The following CNOT2 variants were observed in gnomAD, a reference collection of about 807,000 sequenced individuals.
The protein encoded by CNOT2 is CC chemokine receptor 4-negative regulator of transcription 2.
Under a neutral mutation model 72.1 loss-of-function variants are expected in CNOT2, and 7 were observed. The observed-to-expected ratio is 0.10, with a 90% CI of 0.06 to 0.18. CNOT2 has a LOEUF of 0.18. CNOT2 is among the 10% of genes least tolerant of loss of function. The pLI is 1.00. For synonymous variants in CNOT2, 196 were observed against 225.6 expected, an observed-to-expected ratio of 0.87 and a Z score of 1.17; for missense variants, 345 against 660.3, an observed-to-expected ratio of 0.52 and a Z score of 5.23.
At chr12:70,251,125 A>G (rs999283358) in intron 1 of CNOT2, among the ~76,000 whole-genome samples, 2 of 152,210 alleles carry the variant, frequency 1.3e-5, no homozygotes, top group Non-Finnish European at 2.9e-5. Flanking sequence ...GAAATTAGTA[A>G]TAAGTTTCAT....
chr12:70,270,910 G>A (rs1045786477), intron 1 of CNOT2, among the ~76,000 whole-genome samples: 5 of 151,850 alleles, frequency 3.3e-5, no homozygotes, highest in African/African-American at 7.2e-5. Context: ...TGAATGGTTC[G>A]GAAGGACTTA....
At chr12:70,272,238 G>T (rs939722378) in intron 1 of CNOT2, among the ~76,000 whole-genome samples, 5 of 152,182 alleles carry the variant, frequency 3.3e-5, no homozygotes, top group African/African-American at 1.2e-4. Context: ...ACAGTGATAA[G>T]CTTAATAGAC....
intron 6 of CNOT2, chr12:70,331,819 C>A (rs575468745): frequency 6.6e-6 from 1 of 151,968 alleles, no homozygotes; most frequent in Middle Eastern, 3.4e-3. Flanking sequence ...CATCTTCATA[C>A]AGATTAACCC....
At chr12:70,273,171 G>T (rs1214790723) in intron 1 of CNOT2, among the ~76,000 whole-genome samples, 2 of 152,076 alleles carry the variant, frequency 1.3e-5, no homozygotes, top group East Asian at 3.9e-4. Context: ...TCTTGAAAAT[G>T]ATGTCTGTAC....
In CNOT2 at chr12:70,354,083, T is replaced by G; in HGVS notation, c.*168T>G. 8.1e-7 allele frequency: 1 copy of G among 1,238,402 alleles called. No individual in the cohort carries two copies. Among genetic ancestry groups the G allele is most frequent in the Non-Finnish European group, 1.1e-6 (1 of 944,234 alleles). The allele number at this position is 1,238,402 out of a possible 1,614,324, so 76.7% of individuals were successfully genotyped here. On this transcript the variant is annotated 3_prime_UTR_variant, in exon 16 of 16. Coordinates refer to ENST00000229195, the MANE Select transcript of CNOT2 (RefSeq NM_014515.7). ...AAGGTCACCATTTGAGGTCCTGCCT[T>G]ACTAATTATGTGCTGCCCAACAACT... is the stretch of plus-strand genomic sequence containing the variant.
In CNOT2 at chr12:70,354,945, C is replaced by T. The variant is rs1883279508; in HGVS notation, c.*1030C>T. 3 of 152,606 alleles carry T rather than the reference C, an allele frequency of 2.0e-5. No individual in the cohort carries two copies. 9.5% of individuals were successfully genotyped at this position (152,606 alleles called of 1,614,324 possible). A position where few individuals can be genotyped will look rare whatever the true frequency, so the allele number is the denominator to read the frequency against. On this transcript the variant is annotated 3_prime_UTR_variant, in exon 16 of 16. Transcript: ENST00000229195. ...AAAAGATCAATCTTGTATTTTCTGA[C>T]CACATAAAGGCTTCTTCTCTTTGTA...
intron 2 of CNOT2, among the ~76,000 whole-genome samples, chr12:70,301,486 T>G (rs1016209693): frequency 6.7e-5 from 1 of 14,856 alleles, no homozygotes; most frequent in African/African-American, 3.4e-4. Context: ...AATCATGCCG[T>G]TTTTTTTCTT....
Position 70,279,355 on chromosome 12 carries a change from A to T in CNOT2, c.48+1081A>T, listed in dbSNP as rs537449284. On this transcript the variant is annotated intron_variant, in intron 2 of 15. Transcript: ENST00000229195. Reference sequence around the variant, plus strand: ...TCTGGTTTAGGCACTGTTCCTAATTAAAAATAATGTCATATTTAACCTTTC... The same window carrying T: ...TCTGGTTTAGGCACTGTTCCTAATTTAAAATAATGTCATATTTAACCTTTC... Among the ~76,000 whole-genome samples, 4 of 152,366 alleles carry T rather than the reference A, an allele frequency of 2.6e-5. No individual in the cohort carries two copies. In the East Asian group the frequency reaches 5.8e-4, roughly 22 times the overall value.
chr12:70,257,602 C>T (rs1013063584), intron 1 of CNOT2, among the ~76,000 whole-genome samples: 6 of 151,794 alleles, frequency 4.0e-5, no homozygotes, highest in African/African-American at 1.2e-4. Context: ...CTCCTGACCT[C>T]GTGAGCCACC....
chr12:70,303,987 G>C (rs1019390852), intron 2 of CNOT2, among the ~76,000 whole-genome samples: 24 of 152,114 alleles, frequency 1.6e-4, no homozygotes, highest in Non-Finnish European at 5.9e-5. Flanking sequence ...CTTTCTTCCA[G>C]CTGATCTCAT....
intron 2 of CNOT2, 95 bp downstream of exon 2, chr12:70,278,369 T>A (rs11611635): frequency 0.29 from 239,485 of 837,542 alleles, 36,258 homozygotes; most frequent in Admixed American, 0.52. Flanking sequence ...AGCAAATTGG[T>A]TACACCTCAA....
At chr12:70,330,592 T>A in intron 6 of CNOT2, 123 bp downstream of exon 6, 1 of 538,636 alleles carries the variant, frequency 1.9e-6, no homozygotes, top group Non-Finnish European at 3.2e-6. Context: ...CATCATGCAT[T>A]TATGTCCAAA....
intron 2 of CNOT2, among the ~76,000 whole-genome samples, chr12:70,286,564 T>G (rs1395272532): frequency 6.7e-6 from 1 of 150,000 alleles, no homozygotes. Context: ...TCTCTTTATA[T>G]GCATGGATTT....
chr12:70,303,326 A>C (rs1356159591), intron 2 of CNOT2, among the ~76,000 whole-genome samples: 2 of 152,094 alleles, frequency 1.3e-5, no homozygotes, highest in Non-Finnish European at 2.9e-5. Context: ...GGTCTTTACA[A>C]TTTGGCATGT....
intron 4 of CNOT2, among the ~76,000 whole-genome samples, chr12:70,320,260 AATTTG>A (rs925191777): frequency 6.6e-6 from 1 of 151,692 alleles, no homozygotes; most frequent in African/African-American, 2.4e-5. Flanking sequence ...AAAAATCAAT[AATTTG>A]ATTTGGAACT....
chr12:70,281,508 T>A (rs1023462122), intron 2 of CNOT2, among the ~76,000 whole-genome samples: 16 of 152,224 alleles, frequency 1.1e-4, no homozygotes, highest in African/African-American at 2.4e-5. Context: ...TGTAGTAGAT[T>A]TTCCCATTTA....
At chr12:70,244,794 C>G (rs902478389) in intron 1 of CNOT2, among the ~76,000 whole-genome samples, 1 of 152,326 alleles carries the variant, frequency 6.6e-6, no homozygotes, top group East Asian at 1.9e-4. Flanking sequence ...CAGTTAAAAT[C>G]AGTTCACGAG....
chr12:70,304,913 T>G lies in CNOT2; in HGVS notation c.49-5982T>G, dbSNP rs546306726. Among the ~76,000 whole-genome samples the G allele has an allele frequency of 3.7e-3, 567 of 152,312 alleles. 13 individuals are homozygous for G. Among genetic ancestry groups the G allele is most frequent in the East Asian group, 8.3e-3 (43 of 5,168 alleles). On this transcript the variant is annotated intron_variant, in intron 2 of 15. Transcript: ENST00000229195. ...CCAGCCTGGCTGCTGCCTTGCAGTT[T>G]GATCTCAGACTGCTGTGCTAGCAAT...
At chr12:70,262,482 A>G (rs559707400) in intron 1 of CNOT2, among the ~76,000 whole-genome samples, 44 of 152,162 alleles carry the variant, frequency 2.9e-4, no homozygotes, top group African/African-American at 1.0e-3. Flanking sequence ...TCACCGTGTT[A>G]GCCACGATGG....
Sources: gnomAD v4.1 joint callset for allele counts (sites outside exome capture counted in the v4.1 genomes callset) on GRCh38, gnomAD v4.1.1 for gene constraint, MANE v1.5 for transcripts, NCBI Gene and HGNC (gene_info 2026-07-23, HGNC 2026-07-21) for gene names.